The following KCNQ3 variants were observed in gnomAD, a reference collection of about 807,000 sequenced individuals.
KCNQ3 encodes the protein potassium voltage-gated channel subfamily KQT member 3.
A neutral mutation model predicts 92.5 loss-of-function variants in KCNQ3; 30 were observed. The ratio of observed to expected loss-of-function variants is 0.32; its 90% CI spans 0.24 to 0.44. The LOEUF (loss-of-function observed/expected upper bound fraction) is 0.44. Among genes scored for constraint, KCNQ3 ranks in the 20% least tolerant of loss-of-function variants. KCNQ3 has a pLI of 1.00. For missense variants in KCNQ3, 913 were observed against 1,140.3 expected (o/e 0.80, Z 2.87); for synonymous variants, 450 against 468.8 (o/e 0.96, Z 0.52).
intron 1 of KCNQ3, among the ~76,000 whole-genome samples, chr8:132,189,434 A>G (rs1827089374): frequency 6.6e-6 from 1 of 152,232 alleles, no homozygotes. Context: ...CCCTTAAGGG[A>G]AGGAACTGCC....
chr8:132,431,857 C>T (rs1381794043), intron 1 of KCNQ3, among the ~76,000 whole-genome samples: 2 of 152,196 alleles, frequency 1.3e-5, no homozygotes, highest in African/African-American at 4.8e-5. Flanking sequence ...GTGCTCCCCA[C>T]CCAGGCACCT....
At chr8:132,174,605 A>G (rs1826486501) in intron 5 of KCNQ3, among the ~76,000 whole-genome samples, 2 of 152,196 alleles carry the variant, frequency 1.3e-5, no homozygotes, top group African/African-American at 2.4e-5. Flanking sequence ...GTACACGAGC[A>G]TTCATGTGTG....
intron 4 of KCNQ3, 51 bp downstream of exon 4, chr8:132,180,106 A>T (rs768367129): frequency 6.3e-7 from 1 of 1,594,630 alleles, no homozygotes; most frequent in Non-Finnish European, 8.6e-7. Flanking sequence ...ATGGAAGGGC[A>T]TAGGTGGGTG....
At chr8:132,318,013 C>T (rs1817791625) in intron 1 of KCNQ3, among the ~76,000 whole-genome samples, 1 of 152,214 alleles carries the variant, frequency 6.6e-6, no homozygotes. Flanking sequence ...AGTAAAGCAG[C>T]ATCCACCCAG....
chr8:132,264,504 A>G (rs2130480180), intron 1 of KCNQ3, among the ~76,000 whole-genome samples: 1 of 152,350 alleles, frequency 6.6e-6, no homozygotes, highest in South Asian at 2.1e-4. Flanking sequence ...GGGAGAATCA[A>G]CAGGAAGAAA....
At chr8:132,354,429 G>A (rs1818959878) in intron 1 of KCNQ3, among the ~76,000 whole-genome samples, 1 of 152,160 alleles carries the variant, frequency 6.6e-6, no homozygotes, top group African/African-American at 2.4e-5. Context: ...GGCTTGGTAA[G>A]AAAGGAATCA....
At chr8:132,154,205 T>TGTTTTTTTTTG (rs1563775998) in intron 9 of KCNQ3, among the ~76,000 whole-genome samples, 1 of 141,976 alleles carries the variant, frequency 7.0e-6, no homozygotes. Flanking sequence ...TTTTTTTTTT[T>TGTTTTTTTTTG]TTTTTTTTTT....
At chr8:132,130,517 A>G (rs1448805708) in intron 14 of KCNQ3, among the ~76,000 whole-genome samples, 1 of 152,210 alleles carries the variant, frequency 6.6e-6, no homozygotes, top group East Asian at 1.9e-4. Context: ...GTTAATCTAG[A>G]GAAAACCTAG....
In KCNQ3 at chr8:132,163,381, C is replaced by T. The variant is rs1479679568; in HGVS notation, c.1262+87G>A. 11 of 1,118,986 alleles carry T rather than the reference C, an allele frequency of 9.8e-6. No homozygotes were observed. In the South Asian group the frequency reaches 9.8e-5, roughly 10 times the overall value. The allele number at this position is 1,118,986 out of a possible 1,614,324, so 69.3% of individuals were successfully genotyped here. ...GACTCTATCTTGGGACCAGCATGAC[C>T]TCCCATGGGGCCCTACACCATATGG... is the stretch of plus-strand genomic sequence containing the variant. On this transcript the variant is annotated intron_variant, in intron 9 of 14. Coordinates refer to ENST00000388996, the MANE Select transcript of KCNQ3 (RefSeq NM_004519.4).
intron 1 of KCNQ3, among the ~76,000 whole-genome samples, chr8:132,410,354 G>C (rs113215309): frequency 4.2e-4 from 64 of 152,312 alleles, no homozygotes; most frequent in African/African-American, 1.4e-3. Context: ...AAGAAGATAG[G>C]CCAAGAATTT....
chr8:132,342,724 G>A (rs980467903), intron 1 of KCNQ3, among the ~76,000 whole-genome samples: 1 of 152,088 alleles, frequency 6.6e-6, no homozygotes, highest in African/African-American at 2.4e-5. Flanking sequence ...GCTAATCCCT[G>A]TAGGCATTTG....
In KCNQ3 at chr8:132,434,478, G is replaced by A. The variant is rs1370505965; in HGVS notation, c.386+45669C>T. Among the ~76,000 whole-genome samples the A allele has an allele frequency of 2.9e-4, 44 of 152,162 alleles. 1 individual carries two copies. The stretch of plus-strand genomic sequence containing the variant: ...TCTATTCCAAGCACCTAGAACAGTG[G>A]CTGGCACATAGTAGATGCTGGAAAA... On this transcript the variant is annotated intron_variant, in intron 1 of 14. Coordinates refer to ENST00000388996, the MANE Select transcript of KCNQ3 (RefSeq NM_004519.4).
At chr8:132,376,029 C>T (rs1819598138) in intron 1 of KCNQ3, among the ~76,000 whole-genome samples, 1 of 152,258 alleles carries the variant, frequency 6.6e-6, no homozygotes, top group South Asian at 2.1e-4. Flanking sequence ...GAAGCCCAGG[C>T]GTATCTCTTG....
At chr8:132,412,416 G>T (rs139573813) in intron 1 of KCNQ3, among the ~76,000 whole-genome samples, 1,886 of 152,284 alleles carry the variant, frequency 0.012, 14 homozygotes, top group Non-Finnish European at 0.019. Flanking sequence ...GCTCTTAGGT[G>T]AGGAAGCAGA....
chr8:132,395,906 G>A (rs765636070), intron 1 of KCNQ3, among the ~76,000 whole-genome samples: 40 of 152,210 alleles, frequency 2.6e-4, no homozygotes, highest in Non-Finnish European at 5.6e-4. Context: ...ATTTAGCAGA[G>A]ACTCTTGTTT....
At position 132,129,610 on chromosome 8, in the gene KCNQ3, T is replaced by C; in HGVS notation, c.2271A>G (p.Arg757=). Residue 757 remains arginine, a synonymous_variant, in exon 15 of 15, where the codon CGA becomes CGG. Coordinates refer to ENST00000388996, the MANE Select transcript of KCNQ3 (RefSeq NM_004519.4). The surrounding 1 kb of genome is among the most constrained non-coding windows in gnomAD (Gnocchi z 5.9). ...VLPILTLLDS[R]VSCHSQADLQ... is the part of the protein sequence containing the mutation. Reference sequence around the variant, plus strand: ...GGTCAGCCTGGGAGTGGCAGCTCACTCGGGAGTCGAGAAGAGTCAAGATAG... The same window carrying C: ...GGTCAGCCTGGGAGTGGCAGCTCACCCGGGAGTCGAGAAGAGTCAAGATAG... 1 of 1,614,102 alleles carries C rather than the reference T, an allele frequency of 6.2e-7. No homozygotes were observed. Among genetic ancestry groups the C allele is most frequent in the Non-Finnish European group, 8.5e-7 (1 of 1,180,012 alleles).
chr8:132,473,825 C>T (rs765604656), intron 1 of KCNQ3, among the ~76,000 whole-genome samples: 10 of 152,192 alleles, frequency 6.6e-5, no homozygotes, highest in Non-Finnish European at 1.3e-4. Flanking sequence ...TTCAGTGTCT[C>T]CTCCAACCTG....
intron 1 of KCNQ3, among the ~76,000 whole-genome samples, chr8:132,362,588 G>C (rs1482338551): frequency 2.0e-5 from 3 of 152,182 alleles, no homozygotes; most frequent in African/African-American, 4.8e-5. Flanking sequence ...TTTTGTGCTT[G>C]CTCCTGAGTA....
chr8:132,449,003 TTCG>T (rs2130847756), intron 1 of KCNQ3, among the ~76,000 whole-genome samples: 2 of 152,252 alleles, frequency 1.3e-5, no homozygotes, highest in African/African-American at 4.8e-5. Context: ...GAGCACCGGC[TTCG>T]GTGTAGACTA....
Sources: allele counts gnomAD v4.1 joint callset (sites outside exome capture counted in the v4.1 genomes callset), GRCh38; gene constraint gnomAD v4.1.1; non-coding constraint Gnocchi (gnomAD v3.1); transcripts MANE v1.5; gene names NCBI Gene and HGNC (gene_info 2026-07-23, HGNC 2026-07-21).